Variants in MSI2 observed in about 807,000 individuals in gnomAD.
The protein encoded by MSI2 is RNA-binding protein Musashi homolog 2.
Under a neutral mutation model 45.6 loss-of-function variants are expected in MSI2, and 17 were observed. That is an observed-to-expected ratio of 0.37 (90% CI 0.26 to 0.56). The LOEUF (loss-of-function observed/expected upper bound fraction) is 0.56, where lower values mean the gene tolerates loss of function less well. MSI2 is among the 20% of genes least tolerant of loss of function. The pLI is 0.77. For synonymous variants in MSI2, 156 were observed against 158.2 expected, an observed-to-expected ratio of 0.99 and a Z score of 0.11; for missense variants, 293 against 444.2, an observed-to-expected ratio of 0.66 and a Z score of 3.06.
intron 8 of MSI2, among the ~76,000 whole-genome samples, chr17:57,606,713 C>T (rs554512177): frequency 6.6e-6 from 1 of 152,242 alleles, no homozygotes; most frequent in East Asian, 1.9e-4. Flanking sequence ...ACCTATTTTA[C>T]TTTGCCATCA....
At chr17:57,597,194 A>C (rs1905322088) in intron 8 of MSI2, among the ~76,000 whole-genome samples, 1 of 152,080 alleles carries the variant, frequency 6.6e-6, no homozygotes, top group African/African-American at 2.4e-5. Context: ...GCAGCTACCC[A>C]GTTCTGCTGG....
At chr17:57,285,928 T>G (rs1233757792) in intron 5 of MSI2, 1 of 1,534,086 alleles carries the variant, frequency 6.5e-7, no homozygotes, top group African/African-American at 1.4e-5. Flanking sequence ...ATACGTCTTA[T>G]CACGTGAATC....
At chr17:57,559,670 C>T (rs2087526212) in intron 7 of MSI2, among the ~76,000 whole-genome samples, 1 of 152,252 alleles carries the variant, frequency 6.6e-6, no homozygotes, top group South Asian at 2.1e-4. Flanking sequence ...CAGCCTGCCA[C>T]CCAAGGGATG....
intron 6 of MSI2, among the ~76,000 whole-genome samples, chr17:57,404,651 C>T (rs1439715960): frequency 6.6e-6 from 1 of 152,118 alleles, no homozygotes; most frequent in Non-Finnish European, 1.5e-5. Context: ...TCTCCTCTCC[C>T]TCATCCCATC....
At chr17:57,324,366 C>T (rs571093385) in intron 5 of MSI2, among the ~76,000 whole-genome samples, 5 of 152,276 alleles carry the variant, frequency 3.3e-5, no homozygotes, top group East Asian at 1.9e-4. Context: ...TCATCTTACC[C>T]GCTGGCTCCC....
At chr17:57,484,922 C>T (rs2085722270) in intron 6 of MSI2, among the ~76,000 whole-genome samples, 1 of 152,222 alleles carries the variant, frequency 6.6e-6, no homozygotes, top group East Asian at 1.9e-4. Flanking sequence ...GAAACATGGT[C>T]TCACCTTTCT....
chr17:57,701,382 C>G, the MSI2 span, among the ~76,000 whole-genome samples: 1 of 152,144 alleles, frequency 6.6e-6, no homozygotes, highest in East Asian at 1.9e-4. Context: ...GTGGAGCCCT[C>G]ATGAATAGGA....
At chr17:57,369,542 A>G (rs906783893) in intron 5 of MSI2, among the ~76,000 whole-genome samples, 2 of 152,208 alleles carry the variant, frequency 1.3e-5, no homozygotes, top group South Asian at 2.1e-4. Flanking sequence ...CCTAGAAAGT[A>G]TTCCATGGGG....
intron 6 of MSI2, among the ~76,000 whole-genome samples, chr17:57,481,822 A>C (rs12948073): frequency 0.084 from 12,840 of 152,318 alleles, 723 homozygotes; most frequent in Non-Finnish European, 0.13. Flanking sequence ...GTATATGCTT[A>C]TTAGATTCTC....
chr17:57,700,230 G>T, the MSI2 span, among the ~76,000 whole-genome samples: 1 of 152,190 alleles, frequency 6.6e-6, no homozygotes, highest in African/African-American at 2.4e-5. Flanking sequence ...GTCTAGCTCG[G>T]CTGTGCTTTT....
At position 57,627,102 on chromosome 17, in the gene MSI2, T is replaced by C. The variant is rs1908880330; in HGVS notation, c.653-127T>C. ...CAGACCCTTAATAAAAAAACCCTCA[T>C]GAGAGACAAATTATTCTGTGAAGGA... is the stretch of plus-strand genomic sequence containing the variant. On this transcript the variant is annotated intron_variant, in intron 9 of 13. Coordinates refer to ENST00000284073, the MANE Select transcript of MSI2 (RefSeq NM_138962.4). This position sits in a 1 kb window ranked among gnomAD's most constrained non-coding sequence, Gnocchi z 4.6. 2.2e-6 allele frequency: 2 copies of C among 891,276 alleles called. No individual in the cohort carries two copies. Among genetic ancestry groups the C allele is most frequent in the South Asian group, 1.5e-5 (1 of 66,886 alleles). The allele number at this position is 891,276 out of a possible 1,614,324, so 55.2% of individuals were successfully genotyped here. A position where few individuals can be genotyped will look rare whatever the true frequency, so the allele number is the denominator to read the frequency against.
intron 6 of MSI2, among the ~76,000 whole-genome samples, chr17:57,402,119 G>A (rs973058482): frequency 1.3e-5 from 2 of 152,288 alleles, no homozygotes; most frequent in East Asian, 1.9e-4. Context: ...GAGTCAGACC[G>A]ACTGATAGGA....
intron 5 of MSI2, among the ~76,000 whole-genome samples, chr17:57,334,457 TG>T (rs1914525130): frequency 6.6e-6 from 1 of 152,072 alleles, no homozygotes; most frequent in South Asian, 2.1e-4. Flanking sequence ...GCAGGGCAGC[TG>T]GGGAACGCCT....
intron 6 of MSI2, among the ~76,000 whole-genome samples, chr17:57,520,955 G>C (rs1407211186): frequency 1.3e-5 from 2 of 152,072 alleles, no homozygotes; most frequent in African/African-American, 4.8e-5. Context: ...GTGAGCCACT[G>C]CCCCCAGCCC....
intron 6 of MSI2, among the ~76,000 whole-genome samples, chr17:57,479,058 G>A (rs902308687): frequency 1.3e-5 from 2 of 152,056 alleles, no homozygotes; most frequent in Non-Finnish European, 2.9e-5. Flanking sequence ...TGCCCCAGGG[G>A]GATAACAGAT....
chr17:57,376,476 G>A (rs2083498518), intron 5 of MSI2, among the ~76,000 whole-genome samples: 1 of 152,142 alleles, frequency 6.6e-6, no homozygotes. Context: ...GCCCCTGAAG[G>A]GCACACAGTC....
chr17:57,492,750 C>T (rs556537111), intron 6 of MSI2, among the ~76,000 whole-genome samples: 2 of 152,300 alleles, frequency 1.3e-5, no homozygotes, highest in African/African-American at 4.8e-5. Flanking sequence ...GCACCTACCA[C>T]CACACCCAGT....
At chr17:57,555,173 G>A (rs1264860864) in intron 7 of MSI2, among the ~76,000 whole-genome samples, 9 of 152,140 alleles carry the variant, frequency 5.9e-5, no homozygotes, top group Admixed American at 2.0e-4. Context: ...GCTTCAGCCC[G>A]GGCCCCATCT....
intron 5 of MSI2, among the ~76,000 whole-genome samples, chr17:57,330,787 C>G (rs1288678042): frequency 6.6e-6 from 1 of 152,102 alleles, no homozygotes; most frequent in Non-Finnish European, 1.5e-5. Context: ...AGCACCACAG[C>G]TGGGGTGGCA....
Sources: gnomAD v4.1 joint callset for allele counts (sites outside exome capture counted in the v4.1 genomes callset) on GRCh38, gnomAD v4.1.1 for gene constraint, Gnocchi (gnomAD v3.1) non-coding constraint, MANE v1.5 for transcripts, NCBI Gene and HGNC (gene_info 2026-07-23, HGNC 2026-07-21) for gene names.